Variants in TSC22D2 observed in about 807,000 individuals in gnomAD.
TSC22D2 encodes TSC22 domain family protein 2.
In TSC22D2, 5 loss-of-function variants were observed where a neutral mutation model predicts 50.1. That is an observed-to-expected ratio of 0.10 (90% CI 0.05 to 0.21). The LOEUF is 0.21. Ranked by LOEUF, TSC22D2 falls within the 10% of genes least tolerant of loss-of-function variation. TSC22D2 has a pLI of 1.00. For missense variants in TSC22D2, 1,003 were observed against 1,015.5 expected (o/e 0.99, Z 0.17); for synonymous variants, 501 against 450.1 (o/e 1.11, Z -1.43).
At chr3:150,426,568 G>A (rs1000322215) in intron 1 of TSC22D2, among the ~76,000 whole-genome samples, 3 of 152,150 alleles carry the variant, frequency 2.0e-5, no homozygotes, top group Non-Finnish European at 2.9e-5. Flanking sequence ...CTAGACTAAA[G>A]GAAGAAATCA....
chr3:150,458,066 A>G lies in TSC22D2; in HGVS notation c.2011-310A>G, dbSNP rs545869458. On this transcript the variant is annotated intron_variant, in intron 2 of 2. Coordinates refer to ENST00000688009, the MANE Select transcript of TSC22D2 (RefSeq NM_001303264.2). ...GGAATATTGTTCCTTTGTTCTCTTT[A>G]TCTACCATTTTAAGCATGTGATTTT... 3.3e-5 allele frequency among the ~76,000 whole-genome samples: 5 copies of G among 152,068 alleles called. No homozygotes were observed. In the South Asian group the frequency reaches 1.0e-3, roughly 32 times the overall value.
At chr3:150,437,585 G>A (rs747934187) in intron 1 of TSC22D2, among the ~76,000 whole-genome samples, 12 of 151,470 alleles carry the variant, frequency 7.9e-5, no homozygotes, top group Non-Finnish European at 1.2e-4. Flanking sequence ...GGCAGATCAC[G>A]AGGTCAGAGA....
chr3:150,446,093 CAAAAAAAA>C (rs34550896), intron 1 of TSC22D2, among the ~76,000 whole-genome samples: 1 of 104,078 alleles, frequency 9.6e-6, no homozygotes, highest in Non-Finnish European at 1.9e-5. Context: ...GACTCCATCT[CAAAAAAAA>C]AAAAAAAAAA....
In TSC22D2 at chr3:150,435,810, T is replaced by A. The variant is rs1172979428; in HGVS notation, c.1959-21266T>A. Among the ~76,000 whole-genome samples, 4 of 152,202 alleles carry A rather than the reference T, an allele frequency of 2.6e-5. No homozygotes were observed. In the East Asian group the frequency reaches 5.8e-4, roughly 22 times the overall value. On this transcript the variant is annotated intron_variant, in intron 1 of 2. Coordinates refer to ENST00000688009, the MANE Select transcript of TSC22D2 (RefSeq NM_001303264.2). ...TCACTGTTTTTTTATTTTAATATAG[T>A]TTCACCTTCTCACAAAAGGAAATGA...
chr3:150,410,786 A>C lies in TSC22D2; in HGVS notation c.1436A>C (p.Gln479Pro). Residue 479 changes from glutamine (Q) to proline (P), a missense_variant, in exon 1 of 3, where the codon CAG becomes CCG. Coordinates refer to ENST00000688009, the MANE Select transcript of TSC22D2 (RefSeq NM_001303264.2). ...GGTCCTGCCGGGGCTGGGCAGCCCCAGTCCGTGCCTCCGCCGCAGATGGGT... is the reference window on the plus strand; with the variant it reads ...GGTCCTGCCGGGGCTGGGCAGCCCCCGTCCGTGCCTCCGCCGCAGATGGGT... The part of the protein sequence containing the change: ...CLGPAGAGQP[Q>P]SVPPPQMGGS... The C allele has an allele frequency of 6.2e-7, 1 of 1,612,396 alleles. No homozygotes were observed. Among genetic ancestry groups the C allele is most frequent in the Non-Finnish European group, 8.5e-7 (1 of 1,179,620 alleles).
At chr3:150,431,223 T>TC in intron 1 of TSC22D2, among the ~76,000 whole-genome samples, 1 of 17,710 alleles carries the variant, frequency 5.6e-5, no homozygotes, top group South Asian at 1.5e-3. Context: ...AGGCTCTGTC[T>TC]CAAAAAAAAA....
intron 2 of TSC22D2, among the ~76,000 whole-genome samples, chr3:150,457,827 G>A (rs1365045266): frequency 2.6e-5 from 4 of 151,856 alleles, no homozygotes. Flanking sequence ...GTAGAGACGG[G>A]GTTTCACCAT....
In TSC22D2 at chr3:150,410,988, A is replaced by T; in HGVS notation, c.1638A>T (p.Pro546=). Reference sequence around the variant, plus strand: ...CGCAACAGCTGAGCAGCCATACGCCAGTCAGCAGGAGCAGCAGCATAATCC... The same window carrying T: ...CGCAACAGCTGAGCAGCCATACGCCTGTCAGCAGGAGCAGCAGCATAATCC... ...AQSQQLSSHT[P]VSRSSSIIQH... Residue 546 remains proline, a synonymous_variant, in exon 1 of 3, where the codon CCA becomes CCT. Coordinates refer to ENST00000688009, the MANE Select transcript of TSC22D2 (RefSeq NM_001303264.2). 1 of 1,614,226 alleles carries T rather than the reference A, an allele frequency of 6.2e-7. No individual in the cohort carries two copies. The highest frequency in any genetic ancestry group is 1.1e-5 in the South Asian group (1 of 91,090).
At chr3:150,435,399 A>AAT in intron 1 of TSC22D2, among the ~76,000 whole-genome samples, 1 of 152,088 alleles carries the variant, frequency 6.6e-6, no homozygotes, top group Non-Finnish European at 1.5e-5. Flanking sequence ...TTATTTTTTC[A>AAT]ATATATATAA....
Position 150,411,274 on chromosome 3 carries a change from A to G in TSC22D2, c.1924A>G (p.Ser642Gly). ...PMNSLATSVF[S>G]IAIPVDGDED... ...GAACAGTCTGGCCACCTCTGTATTC[A>G]GCATAGCTATTCCTGTTGATGGTGA... is the stretch of plus-strand genomic sequence containing the variant. Residue 642 changes from serine (S) to glycine (G), a missense_variant, in exon 1 of 3, where the codon AGC (serine) becomes GGC (glycine). Physicochemically the swap from Ser to Gly is moderately conservative, Grantham distance 56 (BLOSUM62 0). Around this residue, in one of 6 missense-constraint regions of TSC22D2, gnomAD observed 696 missense variants for 647.8 expected, o/e 1.07. Coordinates refer to ENST00000688009, the MANE Select transcript of TSC22D2 (RefSeq NM_001303264.2). 1.2e-6 allele frequency: 2 copies of G among 1,613,874 alleles called. No homozygotes were observed. The highest frequency in any genetic ancestry group is 2.2e-5 in the East Asian group (1 of 44,882).
chr3:150,448,046 T>C (rs901627814), intron 1 of TSC22D2, among the ~76,000 whole-genome samples: 1 of 152,168 alleles, frequency 6.6e-6, no homozygotes, highest in African/African-American at 2.4e-5. Flanking sequence ...AGTACTTCAA[T>C]ATCAAGGAAA....
At chr3:150,434,268 G>C (rs184230334) in intron 1 of TSC22D2, among the ~76,000 whole-genome samples, 4 of 151,048 alleles carry the variant, frequency 2.6e-5, no homozygotes, top group African/African-American at 4.9e-5. Flanking sequence ...CTTGCCTCCC[G>C]AGTAGCTGGG....
At chr3:150,423,137 A>G (rs557837365) in intron 1 of TSC22D2, 2 of 1,582,654 alleles carry the variant, frequency 1.3e-6, no homozygotes, top group African/African-American at 2.7e-5. Context: ...ATACTTACAT[A>G]TGGAATGCAT....
chr3:150,455,690 A>C (rs1289364250), intron 1 of TSC22D2, among the ~76,000 whole-genome samples: 8 of 152,192 alleles, frequency 5.3e-5, no homozygotes, highest in Non-Finnish European at 1.2e-4. Context: ...TCTGAGCCTC[A>C]ATCTGATACA....
intron 1 of TSC22D2, among the ~76,000 whole-genome samples, chr3:150,417,078 G>C (rs1719834165): frequency 6.6e-6 from 1 of 151,974 alleles, no homozygotes; most frequent in South Asian, 2.1e-4. Context: ...CTATTATTAG[G>C]GTAGGCAGGA....
At chr3:150,441,981 A>G (rs778783109) in intron 1 of TSC22D2, among the ~76,000 whole-genome samples, 2 of 152,170 alleles carry the variant, frequency 1.3e-5, no homozygotes, top group Non-Finnish European at 2.9e-5. Context: ...GTACTGCCAT[A>G]TCTGCCTCCT....
At chr3:150,456,200 T>G (rs1048535647) in intron 1 of TSC22D2, among the ~76,000 whole-genome samples, 5 of 151,756 alleles carry the variant, frequency 3.3e-5, no homozygotes, top group African/African-American at 7.3e-5. Flanking sequence ...TTTTTGTTTT[T>G]TTTTGAGATG....
intron 2 of TSC22D2, among the ~76,000 whole-genome samples, 173 bp downstream of exon 2, chr3:150,457,300 G>T (rs143743493): frequency 1.1e-3 from 164 of 152,264 alleles, no homozygotes; most frequent in Non-Finnish European, 1.2e-3. Context: ...TTTTAGTCTA[G>T]AAATACTATT....
chr3:150,410,455 T>A lies in TSC22D2; in HGVS notation c.1105T>A (p.Leu369Met), dbSNP rs1279957619. The A allele has an allele frequency of 1.2e-6, 2 of 1,609,014 alleles. No individual in the cohort carries two copies. The highest frequency in any genetic ancestry group is 8.5e-7 in the Non-Finnish European group (1 of 1,178,616). ...TCAGCCTCAGATACCGCCCGGACATTTGCTGCCCGTCCAGCCCTCCGGCCA... is the reference window on the plus strand; with the variant it reads ...TCAGCCTCAGATACCGCCCGGACATATGCTGCCCGTCCAGCCCTCCGGCCA... The part of the protein sequence containing the change: ...YPQPQIPPGH[L>M]LPVQPSGQSE... The change falls in exon 1 of 3, where the codon TTG becomes ATG. Residue 369 changes from leucine (L) to methionine (M), a missense_variant. Leu to Met is a conservative substitution (Grantham distance 15). Transcript: ENST00000688009.
Sources: allele counts gnomAD v4.1 joint callset (sites outside exome capture counted in the v4.1 genomes callset), GRCh38; gene constraint gnomAD v4.1.1; regional missense constraint gnomAD v4.1.1; transcripts MANE v1.5; gene names NCBI Gene and HGNC (gene_info 2026-07-23, HGNC 2026-07-21).